Variants in MBD2 observed in about 807,000 individuals in gnomAD.
MBD2 encodes methyl-CpG binding domain protein 2, also known as methyl-CpG-binding domain protein 2.
Under a neutral mutation model 39.3 loss-of-function variants are expected in MBD2, and 9 were observed. The ratio of observed to expected loss-of-function variants is 0.23; its 90% CI spans 0.14 to 0.40. MBD2 has a LOEUF of 0.40. Among genes scored for constraint, MBD2 ranks in the 10% least tolerant of loss-of-function variants. MBD2 has a pLI of 1.00. For synonymous variants in MBD2, 233 were observed against 211.1 expected (o/e 1.10, Z -0.90); for missense variants, 458 against 532.6 (o/e 0.86, Z 1.38).
At chr18:54,213,155 T>G (rs2086524226) in intron 1 of MBD2, among the ~76,000 whole-genome samples, 1 of 152,014 alleles carries the variant, frequency 6.6e-6, no homozygotes, top group African/African-American at 2.4e-5. Flanking sequence ...CTAATAGTAT[T>G]ATCTCTATTT....
At chr18:54,217,675 A>G (rs1283530314) in intron 1 of MBD2, among the ~76,000 whole-genome samples, 1 of 152,236 alleles carries the variant, frequency 6.6e-6, no homozygotes, top group South Asian at 2.1e-4. Context: ...TTCCATTAAA[A>G]CTAAATTATG....
At chr18:54,167,470 A>T (rs2086142692) in intron 3 of MBD2, among the ~76,000 whole-genome samples, 1 of 152,220 alleles carries the variant, frequency 6.6e-6, no homozygotes, top group African/African-American at 2.4e-5. Flanking sequence ...TAAATAAGGC[A>T]ATATGTATAA....
At chr18:54,204,951 A>G (rs1473781465) in intron 2 of MBD2, 47 bp downstream of exon 2, 1 of 1,564,424 alleles carries the variant, frequency 6.4e-7, no homozygotes, top group Non-Finnish European at 8.7e-7. Context: ...ATACTTTTTG[A>G]AGAGCTTTCG....
chr18:54,167,703 C>T (rs890321707), intron 3 of MBD2, among the ~76,000 whole-genome samples: 2 of 152,088 alleles, frequency 1.3e-5, no homozygotes, highest in South Asian at 4.1e-4. Context: ...CCAAGGAAGG[C>T]CTTTGGTATA....
chr18:54,180,349 T>C (rs1258658567), intron 3 of MBD2, among the ~76,000 whole-genome samples: 1 of 152,154 alleles, frequency 6.6e-6, no homozygotes, highest in Non-Finnish European at 1.5e-5. Flanking sequence ...ATAATTATAT[T>C]AGAAAACCTA....
At chr18:54,205,289 T>C (rs960128425) in intron 1 of MBD2, 132 bp from the exon 2 acceptor site, 9 of 872,652 alleles carry the variant, frequency 1.0e-5, no homozygotes, top group Non-Finnish European at 1.5e-5. Flanking sequence ...TGTTAAAGTT[T>C]TGCTAGGCGC....
intron 5 of MBD2, among the ~76,000 whole-genome samples, 162 bp downstream of exon 5, chr18:54,164,361 T>C (rs2086115825): frequency 6.6e-6 from 1 of 152,204 alleles, no homozygotes; most frequent in Admixed American, 6.5e-5. Context: ...AATGGTCTTT[T>C]TTCACCTTCT....
chr18:54,165,145 C>G (rs938021176), intron 4 of MBD2, among the ~76,000 whole-genome samples: 7 of 152,134 alleles, frequency 4.6e-5, no homozygotes, highest in Non-Finnish European at 8.8e-5. Context: ...ATAGTCTCTC[C>G]TTGTAGCTTT....
In MBD2 at chr18:54,183,816, G is replaced by T. The variant is rs374769510; in HGVS notation, c.840+5058C>A. 5.2e-4 allele frequency among the ~76,000 whole-genome samples: 79 copies of T among 152,130 alleles called. 1 individual carries two copies. The South Asian group carries it at 0.014, about 26-fold the overall frequency. ...GGATTTGAGTATATTTAAATGCTTT[G>T]GGAAGAAGCCAGTTTAGAGACAGTT... is the stretch of plus-strand genomic sequence containing the variant. On this transcript the variant is annotated intron_variant, in intron 3 of 6. Coordinates refer to ENST00000256429, the MANE Select transcript of MBD2 (RefSeq NM_003927.5).
At chr18:54,170,177 G>A (rs867688395) in intron 3 of MBD2, among the ~76,000 whole-genome samples, 2 of 152,156 alleles carry the variant, frequency 1.3e-5, no homozygotes, top group South Asian at 2.1e-4. Context: ...GGACATCAAC[G>A]GAAGCATAGT....
At chr18:54,197,070 A>C (rs544435128) in intron 2 of MBD2, among the ~76,000 whole-genome samples, 9 of 152,234 alleles carry the variant, frequency 5.9e-5, no homozygotes, top group East Asian at 1.9e-4. Context: ...AGAAAATTAG[A>C]AGCTCTTTGA....
intron 1 of MBD2, among the ~76,000 whole-genome samples, chr18:54,220,030 T>A (rs551556491): frequency 1.3e-5 from 2 of 152,166 alleles, no homozygotes; most frequent in Non-Finnish European, 2.9e-5. Context: ...CTCGATCTCC[T>A]GACCTCGTGA....
chr18:54,215,552 G>A (rs1450454973), intron 1 of MBD2, among the ~76,000 whole-genome samples: 2 of 148,746 alleles, frequency 1.3e-5, no homozygotes, highest in African/African-American at 2.5e-5. Context: ...GCAGTGGCGC[G>A]ATCTCAGCTA....
intron 1 of MBD2, among the ~76,000 whole-genome samples, chr18:54,209,864 T>G (rs1599106494): frequency 2.0e-5 from 3 of 152,294 alleles, no homozygotes; most frequent in South Asian, 4.1e-4. Context: ...CCCAAAGTGA[T>G]TAAGTTTAAT....
intron 2 of MBD2, among the ~76,000 whole-genome samples, chr18:54,189,316 C>T (rs2086304033): frequency 6.6e-6 from 1 of 151,638 alleles, no homozygotes; most frequent in Non-Finnish European, 1.5e-5. Context: ...CTCCGCCTCC[C>T]GGGTCTGCTT....
At chr18:54,165,724 G>A (rs2086126222) in intron 4 of MBD2, among the ~76,000 whole-genome samples, 1 of 152,218 alleles carries the variant, frequency 6.6e-6, no homozygotes, top group Non-Finnish European at 1.5e-5. Flanking sequence ...GGTAGGGCCA[G>A]ATGTTGCTAT....
chr18:54,188,335 C>T (rs958158619), intron 3 of MBD2, among the ~76,000 whole-genome samples: 1 of 152,110 alleles, frequency 6.6e-6, no homozygotes, highest in African/African-American at 2.4e-5. Context: ...TGGTGGAATA[C>T]AGCTTGAAGC....
chr18:54,170,753 T>C (rs1477265251), intron 3 of MBD2, among the ~76,000 whole-genome samples: 1 of 152,122 alleles, frequency 6.6e-6, no homozygotes, highest in Non-Finnish European at 1.5e-5. Context: ...ACTGCAATAA[T>C]GAAGATCCAA....
At chr18:54,156,144 C>T (rs921213205) in intron 6 of MBD2, among the ~76,000 whole-genome samples, 19 of 152,210 alleles carry the variant, frequency 1.2e-4, no homozygotes, top group African/African-American at 2.6e-4. Context: ...CAGGTTATTA[C>T]GGACAGCTGA....
Sources: allele counts gnomAD v4.1 joint callset (sites outside exome capture counted in the v4.1 genomes callset), GRCh38; gene constraint gnomAD v4.1.1; transcripts MANE v1.5; gene names NCBI Gene and HGNC (gene_info 2026-07-23, HGNC 2026-07-21).